EPHA10: variants seen among roughly 807,000 people sequenced by gnomAD.
The protein encoded by EPHA10 is EPH receptor A10, also known as ephrin type-A receptor 10.
In EPHA10, 120 loss-of-function variants were observed where a neutral mutation model predicts 109.7. That is an observed-to-expected ratio of 1.09 (90% CI 0.94 to 1.27). The LOEUF is 1.27. EPHA10 is among the 50% of genes most tolerant of loss of function. The pLI, the probability that EPHA10 is intolerant of heterozygous loss-of-function variation, is 0.00. For missense variants in EPHA10, 1,396 were observed against 1,411.1 expected, an observed-to-expected ratio of 0.99 and a Z score of 0.17; for synonymous variants, 640 against 618.9, an observed-to-expected ratio of 1.03 and a Z score of -0.51.
At chr1:37,726,512 A>T (rs1379406700) in intron 8 of EPHA10, among the ~76,000 whole-genome samples, 2 of 152,132 alleles carry the variant, frequency 1.3e-5, no homozygotes, top group African/African-American at 4.8e-5. Flanking sequence ...GGAGAAGGGG[A>T]GGATACATGG....
Position 37,723,326 on chromosome 1 carries a change from C to T in EPHA10, c.1819G>A (p.Glu607Lys), listed in dbSNP as rs1172339669. ...GCCAACTCACAGTGGAAATACAGCTCCTCTTCATCATGGGCATCCCCTCCT... is the reference window on the plus strand; with the variant it reads ...GCCAACTCACAGTGGAAATACAGCTTCTCTTCATCATGGGCATCCCCTCCT... ...KGGGDAHDEE[E>K]LYFHFKVPTR... The change falls in exon 9 of 17, where the codon GAG (glutamate) becomes AAG (lysine). Residue 607 changes from glutamate to lysine, a missense_variant. Physicochemically the swap from Glu to Lys is moderately conservative, Grantham distance 56. Transcript: ENST00000373048. 5.0e-6 allele frequency: 8 copies of T among 1,614,152 alleles called. No homozygotes were observed. The highest frequency in any genetic ancestry group is 1.6e-4 in the Middle Eastern group (1 of 6,062).
At chr1:37,731,306 C>T (rs568626377) in intron 7 of EPHA10, 105 bp downstream of exon 7, 7 of 1,281,682 alleles carry the variant, frequency 5.5e-6, no homozygotes, top group Non-Finnish European at 3.2e-6. Flanking sequence ...CCCTTCATTG[C>T]ACAGATAACT....
At chr1:37,734,334 G>C (rs1243259778) in intron 6 of EPHA10, among the ~76,000 whole-genome samples, 10 of 152,126 alleles carry the variant, frequency 6.6e-5, no homozygotes. Context: ...AGGAGATATA[G>C]ACCAGCCTGG....
At position 37,723,682 on chromosome 1, in the gene EPHA10, G is replaced by A. The variant is rs562662992; in HGVS notation, c.1773-310C>T. On this transcript the variant is annotated intron_variant, in intron 8 of 16. Transcript: ENST00000373048. Reference sequence around the variant, plus strand: ...TGGCTGCAGGCCCCCAGCTGCCCCCGCATGCGGTTTTGTGAAAGTGTGAAT... The same window carrying A: ...TGGCTGCAGGCCCCCAGCTGCCCCCACATGCGGTTTTGTGAAAGTGTGAAT... Among the ~76,000 whole-genome samples, 9 of 152,360 alleles carry A rather than the reference G, an allele frequency of 5.9e-5. No individual in the cohort carries two copies. In the East Asian group the frequency reaches 7.7e-4, roughly 13 times the overall value.
rs1390326060 is a variant in EPHA10 at position 37,722,764 on chromosome 1, C to G, written c.1960+277G>C. The G allele has an allele frequency of 1.8e-5, 10 of 563,926 alleles. No individual in the cohort carries two copies. The East Asian group carries it at 3.0e-4, about 17-fold the overall frequency. 34.9% of individuals were successfully genotyped at this position (563,926 alleles called of 1,614,324 possible). A position where few individuals can be genotyped will look rare whatever the true frequency, so the allele number is the denominator to read the frequency against. On this transcript the variant is annotated intron_variant, in intron 10 of 16. Transcript: ENST00000373048. ...GCCCCTCCCCACTGCCCCATGAAGG[C>G]CTGGGACTAAACTGCCAGTGGCAGT...
At chr1:37,753,271 C>A in intron 4 of EPHA10, 45 bp from the exon 5 acceptor site, 4 of 1,161,214 alleles carry the variant, frequency 3.4e-6, no homozygotes, top group Non-Finnish European at 4.3e-6. Context: ...GGCGTGGGTG[C>A]CCGTGAGAGG....
At chr1:37,739,688 CAAA>C (rs66804054) in intron 5 of EPHA10, among the ~76,000 whole-genome samples, 5 of 76,638 alleles carry the variant, frequency 6.5e-5, no homozygotes, top group Non-Finnish European at 2.4e-5. Flanking sequence ...GACCCTGTCT[CAAA>C]AAAAAAAAAA....
chr1:37,751,541 C>A (rs1206626536), intron 5 of EPHA10, among the ~76,000 whole-genome samples: 5 of 146,148 alleles, frequency 3.4e-5, no homozygotes, highest in Non-Finnish European at 6.0e-5. Context: ...CACACTCCAG[C>A]CTGGGTGACG....
At chr1:37,745,668 G>A (rs1646229762) in intron 5 of EPHA10, among the ~76,000 whole-genome samples, 1 of 152,054 alleles carries the variant, frequency 6.6e-6, no homozygotes, top group Non-Finnish European at 1.5e-5. Context: ...GGCCAATATG[G>A]GGAAACCCTG....
intron 6 of EPHA10, among the ~76,000 whole-genome samples, chr1:37,734,269 C>A (rs1016790134): frequency 2.6e-5 from 4 of 152,148 alleles, no homozygotes; most frequent in African/African-American, 9.7e-5. Context: ...TGCAGTGGCT[C>A]ACACCAGTAA....
At chr1:37,737,438 C>T (rs575123106) in intron 5 of EPHA10, among the ~76,000 whole-genome samples, 1 of 152,250 alleles carries the variant, frequency 6.6e-6, no homozygotes, top group East Asian at 1.9e-4. Flanking sequence ...GAATACAGAG[C>T]CCAGAAATAA....
chr1:37,719,734 A>C, intron 14 of EPHA10, 127 bp from the exon 15 acceptor site: 1 of 1,375,924 alleles, frequency 7.3e-7, no homozygotes, highest in Non-Finnish European at 1.0e-6. Flanking sequence ...AGACACAGAC[A>C]CACACACACA....
At chr1:37,732,081 T>G (rs931473378) in intron 6 of EPHA10, among the ~76,000 whole-genome samples, 3 of 152,198 alleles carry the variant, frequency 2.0e-5, no homozygotes, top group African/African-American at 7.2e-5. Flanking sequence ...ATTATCTTGT[T>G]TGTTTGTTTC....
chr1:37,723,012 G>T, intron 10 of EPHA10, 29 bp downstream of exon 10: 1 of 1,613,902 alleles, frequency 6.2e-7, no homozygotes, highest in Non-Finnish European at 8.5e-7. Flanking sequence ...TTCCAGATGG[G>T]GACAAGGCTT....
chr1:37,723,232 T>G, intron 9 of EPHA10, 66 bp from the exon 10 acceptor site: 1 of 1,606,520 alleles, frequency 6.2e-7, no homozygotes. Flanking sequence ...AGCGGGCTCA[T>G]GCAGTGTAGC....
intron 7 of EPHA10, among the ~76,000 whole-genome samples, chr1:37,730,244 T>A (rs1314373064): frequency 6.6e-6 from 1 of 152,182 alleles, no homozygotes; most frequent in East Asian, 1.9e-4. Context: ...TTCCCAGAAC[T>A]CAGACCCCTT....
chr1:37,727,101 C>A lies in EPHA10; in HGVS notation c.1772+1G>T, dbSNP rs749599628. The stretch of plus-strand genomic sequence containing the variant: ...CACCTAGGCTGGGGCCAGCCACCTA[C>A]CTCCTCCAAATGGCCAGCACACTCA... On this transcript the variant is annotated splice_donor_variant, in intron 8 of 16. Coordinates refer to ENST00000373048, the MANE Select transcript of EPHA10 (RefSeq NM_001099439.2). LOFTEE classifies it high-confidence loss of function. The A allele has an allele frequency of 5.0e-5, 81 of 1,608,468 alleles. No individual in the cohort carries two copies. The highest frequency in any genetic ancestry group is 6.8e-5 in the Non-Finnish European group (80 of 1,176,970).
chr1:37,718,160 G>C lies in EPHA10; in HGVS notation c.*212C>G. ...CCCTAGGGATTTGAACCTCTTTTCAGGGGCACTGAGTTAGCCAAGGCGTTC... is the reference window on the plus strand; with the variant it reads ...CCCTAGGGATTTGAACCTCTTTTCACGGGCACTGAGTTAGCCAAGGCGTTC... On this transcript the variant is annotated 3_prime_UTR_variant, in exon 17 of 17. Coordinates refer to ENST00000373048, the MANE Select transcript of EPHA10 (RefSeq NM_001099439.2). 7.1e-6 allele frequency: 4 copies of C among 564,370 alleles called. No homozygotes were observed. The highest frequency in any genetic ancestry group is 1.3e-5 in the Non-Finnish European group (4 of 318,790). The allele number at this position is 564,370 out of a possible 1,614,324, so 35.0% of individuals were successfully genotyped here.
In EPHA10 at chr1:37,718,448, C is replaced by A. The variant is rs150426144; in HGVS notation, c.2951G>T (p.Arg984Leu). The A allele has an allele frequency of 5.8e-5, 94 of 1,613,434 alleles. No homozygotes were observed. The African/African-American group carries it at 1.1e-3, about 19-fold the overall frequency. Residue 984 changes from arginine (R) to leucine (L), a missense_variant, in exon 17 of 17, where the codon CGA becomes CTA. By Grantham distance (102) the Arg-to-Leu change is moderately radical. Transcript: ENST00000373048. ...GCTGATCCCGCTGAGGAGGGCCTCT[C>A]GATGTTCAGCCAAAGAGATGCCTAG... ...VSLGISLAEH[R>L]EALLSGISAL...
Sources: gnomAD v4.1 joint callset for allele counts (sites outside exome capture counted in the v4.1 genomes callset) on GRCh38, gnomAD v4.1.1 for gene constraint, MANE v1.5 for transcripts, NCBI Gene and HGNC (gene_info 2026-07-23, HGNC 2026-07-21) for gene names.